ATRNL1: variants seen among roughly 807,000 people sequenced by gnomAD.
The protein encoded by ATRNL1 is attractin-like protein 1.
Under a neutral mutation model 182.7 loss-of-function variants are expected in ATRNL1, and 95 were observed. That is an observed-to-expected ratio of 0.52 (90% CI 0.44 to 0.62). ATRNL1 has a LOEUF of 0.62. Ranked by LOEUF, ATRNL1 falls within the 20% of genes least tolerant of loss-of-function variation. The pLI, the probability that ATRNL1 is intolerant of heterozygous loss-of-function variation, is 0.00. For synonymous variants in ATRNL1, 576 were observed against 568.3 expected, an observed-to-expected ratio of 1.01 and a Z score of -0.19; for missense variants, 1,471 against 1,679.5, an observed-to-expected ratio of 0.88 and a Z score of 2.17.
At chr10:115,723,534 G>GTATTTAATTATT (rs145867420) in intron 26 of ATRNL1, among the ~76,000 whole-genome samples, 2 of 148,118 alleles carry the variant, frequency 1.4e-5, no homozygotes, top group Non-Finnish European at 3.0e-5. Flanking sequence ...CTTTTCTTTT[G>GTATTTAATTATT]TATTTATTTA....
At chr10:115,520,184 C>G (rs776316951) in intron 25 of ATRNL1, among the ~76,000 whole-genome samples, 4 of 152,178 alleles carry the variant, frequency 2.6e-5, no homozygotes, top group Non-Finnish European at 5.9e-5. Flanking sequence ...TTAACCAACA[C>G]TCACCAACTT....
intron 28 of ATRNL1, among the ~76,000 whole-genome samples, chr10:115,940,702 C>A (rs200731492): frequency 1.2e-5 from 1 of 84,256 alleles, no homozygotes; most frequent in African/African-American, 9.1e-5. Flanking sequence ...TCTCTCTTCT[C>A]TCTCTCTCTC....
chr10:115,736,949 A>G (rs117571731), intron 27 of ATRNL1, among the ~76,000 whole-genome samples: 3,061 of 151,490 alleles, frequency 0.02, 51 homozygotes, highest in East Asian at 0.09. Flanking sequence ...TGTATTTTCA[A>G]ACTCAGTTTT....
chr10:115,245,194 T>G (rs1554903757), intron 10 of ATRNL1, among the ~76,000 whole-genome samples: 1 of 152,096 alleles, frequency 6.6e-6, no homozygotes, highest in African/African-American at 2.4e-5. Flanking sequence ...CAGTTCTGTA[T>G]ACTCTTAAAA....
chr10:115,533,155 T>G (rs1451049015), intron 25 of ATRNL1, among the ~76,000 whole-genome samples: 21 of 152,172 alleles, frequency 1.4e-4, no homozygotes, highest in Non-Finnish European at 2.6e-4. Flanking sequence ...TTCTATTGAT[T>G]GGAATAGTTT....
intron 26 of ATRNL1, among the ~76,000 whole-genome samples, chr10:115,565,314 T>A (rs1854011963): frequency 6.6e-6 from 1 of 152,012 alleles, no homozygotes; most frequent in African/African-American, 2.4e-5. Flanking sequence ...TTAGATCATG[T>A]TATAAATTCT....
At chr10:115,344,580 G>A (rs1855895347) in intron 19 of ATRNL1, among the ~76,000 whole-genome samples, 1 of 152,160 alleles carries the variant, frequency 6.6e-6, no homozygotes, top group Admixed American at 6.5e-5. Flanking sequence ...CAAGAGTTAA[G>A]TCCTAAAATT....
chr10:115,438,821 G>A (rs1251820453), intron 21 of ATRNL1, among the ~76,000 whole-genome samples: 2 of 151,786 alleles, frequency 1.3e-5, no homozygotes, highest in Admixed American at 6.6e-5. Context: ...AGAAGTTTGT[G>A]TATTAAGAAT....
At position 115,286,356 on chromosome 10, in the gene ATRNL1, G is replaced by A. The variant is rs1554918898; in HGVS notation, c.2374G>A (p.Val792Ile). ...TGCTTCATTAACAACCTCAAAAGAA[G>A]TAGAATTTGTTCTGGATGAAATACA... ...NLASLTTSKEVEFVLDEIQKY... is the reference protein window; with the variant it reads ...NLASLTTSKEIEFVLDEIQKY... The change falls in exon 15 of 29, where the codon GTA becomes ATA. Residue 792 changes from valine (V) to isoleucine (I), a missense_variant. Physicochemically the swap from Val to Ile is conservative, Grantham distance 29 (BLOSUM62 3). Transcript: ENST00000355044. The A allele has an allele frequency of 6.2e-7, 1 of 1,605,824 alleles. No homozygotes were observed. Among genetic ancestry groups the A allele is most frequent in the Non-Finnish European group, 8.5e-7 (1 of 1,174,554 alleles).
chr10:115,783,743 G>A (rs1483623431), intron 27 of ATRNL1, among the ~76,000 whole-genome samples: 3 of 152,102 alleles, frequency 2.0e-5, no homozygotes, highest in Admixed American at 6.5e-5. Flanking sequence ...GGCCGGGCGC[G>A]GTGGCTCACA....
At chr10:115,353,200 T>G (rs939205893) in intron 19 of ATRNL1, among the ~76,000 whole-genome samples, 1 of 152,200 alleles carries the variant, frequency 6.6e-6, no homozygotes, top group African/African-American at 2.4e-5. Flanking sequence ...GGAGTCTGTC[T>G]TTCTCTTTAG....
intron 5 of ATRNL1, among the ~76,000 whole-genome samples, chr10:115,134,267 C>G (rs113045783): frequency 2.6e-5 from 4 of 151,830 alleles, no homozygotes; most frequent in Admixed American, 6.6e-5. Context: ...TTGAAAAGAT[C>G]AACAAAATTG....
At chr10:115,203,049 G>A (rs1472422721) in intron 8 of ATRNL1, among the ~76,000 whole-genome samples, 7 of 152,126 alleles carry the variant, frequency 4.6e-5, no homozygotes, top group Non-Finnish European at 8.8e-5. Context: ...TCTGATGGTA[G>A]TTTGTATTTC....
At position 115,175,868 on chromosome 10, in the gene ATRNL1, A is replaced by T. The variant is rs535979423; in HGVS notation, c.1348+4576A>T. Among the ~76,000 whole-genome samples the T allele has an allele frequency of 3.3e-5, 5 of 152,206 alleles. No homozygotes were observed. In the East Asian group the frequency reaches 7.7e-4, roughly 23 times the overall value. ...AATGTAGTTTAAAGATGCTGTCAGA[A>T]TAATTAAATTCACCACACTGTCTTC... On this transcript the variant is annotated intron_variant, in intron 8 of 28. Transcript: ENST00000355044.
intron 19 of ATRNL1, among the ~76,000 whole-genome samples, chr10:115,394,097 C>T (rs628403): frequency 1.3e-5 from 2 of 151,610 alleles, no homozygotes; most frequent in Non-Finnish European, 2.9e-5. Flanking sequence ...ATTATTCTTA[C>T]CAGTAGTAAT....
chr10:115,266,957 T>C lies in ATRNL1; in HGVS notation c.1933T>C (p.Ser645Pro), dbSNP rs1281249795. 1.4e-5 allele frequency: 23 copies of C among 1,612,092 alleles called. No homozygotes were observed. Among genetic ancestry groups the C allele is most frequent in the Non-Finnish European group, 2.0e-5 (23 of 1,178,784 alleles). Residue 645 changes from serine to proline, a missense_variant, in exon 12 of 29, where the codon TCT becomes CCT. This residue lies in a region of ATRNL1 where 1,031 missense variants were observed against 1,156.0 expected (regional missense o/e 0.89). Transcript: ENST00000355044. ...WNKNHCESWE[S>P]GNTNNILRAK... ...TAAAAATCACTGTGAATCTTGGGAATCTGGGAATACTAATAATATTCTTAG... is the reference window on the plus strand; with the variant it reads ...TAAAAATCACTGTGAATCTTGGGAACCTGGGAATACTAATAATATTCTTAG...
At chr10:115,896,418 C>T (rs1203676371) in intron 28 of ATRNL1, among the ~76,000 whole-genome samples, 1 of 151,608 alleles carries the variant, frequency 6.6e-6, no homozygotes, top group Admixed American at 6.6e-5. Flanking sequence ...AATAGTTATC[C>T]TTTTATTATA....
intron 27 of ATRNL1, among the ~76,000 whole-genome samples, chr10:115,815,415 A>ATGTATG (rs1555088278): frequency 3.5e-5 from 5 of 142,948 alleles, no homozygotes; most frequent in African/African-American, 7.8e-5. Flanking sequence ...GTGTGTGTGT[A>ATGTATG]TGTGTGTGTG....
At position 115,864,226 on chromosome 10, in the gene ATRNL1, T is replaced by C. The variant is rs551341991; in HGVS notation, c.4018+16235T>C. ...GTAAGCTGAGATTGCACCACTGCACTCCAGCCTCGGAGCCTGGGTAACAGA... is the reference window on the plus strand; with the variant it reads ...GTAAGCTGAGATTGCACCACTGCACCCCAGCCTCGGAGCCTGGGTAACAGA... On this transcript the variant is annotated intron_variant, in intron 28 of 28. Transcript: ENST00000355044. Among the ~76,000 whole-genome samples, 7 of 148,764 alleles carry C rather than the reference T, an allele frequency of 4.7e-5. No homozygotes were observed. In the South Asian group the frequency reaches 1.5e-3, roughly 32 times the overall value.
Sources: gnomAD v4.1 joint callset for allele counts (sites outside exome capture counted in the v4.1 genomes callset) on GRCh38, gnomAD v4.1.1 for gene constraint, gnomAD v4.1.1 regional missense constraint, MANE v1.5 for transcripts, NCBI Gene and HGNC (gene_info 2026-07-23, HGNC 2026-07-21) for gene names.